Variants in MICU2 observed in about 807,000 individuals in gnomAD.
The protein encoded by MICU2 is mitochondrial calcium uptake 2.
A neutral mutation model predicts 60.4 loss-of-function variants in MICU2; 64 were observed. That is an observed-to-expected ratio of 1.06 (90% CI 0.87 to 1.31). The LOEUF (loss-of-function observed/expected upper bound fraction) is 1.31, where lower values mean the gene tolerates loss of function less well. MICU2 is among the 50% of genes most tolerant of loss of function. The probability of loss-of-function intolerance (pLI) is 0.00; values close to 1 mark genes in which losing one functional copy is unlikely to be tolerated. For synonymous variants in MICU2, 201 were observed against 175.0 expected (o/e 1.15, Z -1.17); for missense variants, 569 against 531.0 (o/e 1.07, Z -0.70).
At chr13:21,565,722 AC>A (rs1887965659) in intron 2 of MICU2, among the ~76,000 whole-genome samples, 1 of 152,078 alleles carries the variant, frequency 6.6e-6, no homozygotes, top group Admixed American at 6.6e-5. Flanking sequence ...AATCCCAGCT[AC>A]TCGGGAGGCT....
rs753759250 is a variant in MICU2 at position 21,559,646 on chromosome 13, T to A, written c.358+7151A>T. 1.9e-4 allele frequency among the ~76,000 whole-genome samples: 29 copies of A among 151,964 alleles called. No homozygotes were observed. The South Asian group carries it at 2.3e-3, about 12-fold the overall frequency. On this transcript the variant is annotated intron_variant, in intron 2 of 11. Coordinates refer to ENST00000382374, the MANE Select transcript of MICU2 (RefSeq NM_152726.3). ...TTCAAGCGATTCTCCTGCTTCATCC[T>A]CCTGAGTAGCTGGGACTACAGATGC...
intron 2 of MICU2, chr13:21,551,439 TTTAA>T (rs942511665): frequency 1.1e-3 from 164 of 152,314 alleles, no homozygotes; most frequent in African/African-American, 3.7e-3. Context: ...TTATTTTATT[TTTAA>T]ATTATTTTTA....
intron 8 of MICU2, among the ~76,000 whole-genome samples, chr13:21,508,631 G>A (rs922526891): frequency 5.9e-5 from 9 of 152,096 alleles, no homozygotes; most frequent in African/African-American, 2.2e-4. Context: ...ATACTTCCCA[G>A]CCTCCATTCT....
At chr13:21,515,588 G>C in intron 6 of MICU2, 1 of 433,998 alleles carries the variant, frequency 2.3e-6, no homozygotes, top group Non-Finnish European at 4.6e-6. Context: ...ATTTAAAAAA[G>C]AAAGCATTTT....
At chr13:21,587,693 A>C (rs1372795567) in intron 1 of MICU2, among the ~76,000 whole-genome samples, 2 of 152,232 alleles carry the variant, frequency 1.3e-5, no homozygotes, top group Admixed American at 6.5e-5. Context: ...TTAGCTGGAC[A>C]CTCTTACCAT....
chr13:21,593,057 G>A (rs1396537798), intron 1 of MICU2, among the ~76,000 whole-genome samples: 1 of 152,168 alleles, frequency 6.6e-6, no homozygotes, highest in African/African-American at 2.4e-5. Context: ...TATTCGAATA[G>A]GAAGACAGGA....
chr13:21,511,407 CA>C (rs1479279519), intron 7 of MICU2, among the ~76,000 whole-genome samples: 1 of 152,118 alleles, frequency 6.6e-6, no homozygotes, highest in Admixed American at 6.5e-5. Context: ...AGGTAAAAGG[CA>C]CAAAAACCCA....
intron 2 of MICU2, among the ~76,000 whole-genome samples, chr13:21,549,773 G>T (rs554581036): frequency 6.6e-6 from 1 of 152,098 alleles, no homozygotes; most frequent in Admixed American, 6.5e-5. Flanking sequence ...ACTGAACATG[G>T]TGGAGAAATA....
At chr13:21,591,081 C>T (rs917412242) in intron 1 of MICU2, among the ~76,000 whole-genome samples, 2 of 151,888 alleles carry the variant, frequency 1.3e-5, no homozygotes, top group African/African-American at 4.8e-5. Flanking sequence ...TAAAAAGACA[C>T]AGACTGGCAA....
chr13:21,589,306 T>A (rs1335387847), intron 1 of MICU2, among the ~76,000 whole-genome samples: 1 of 152,216 alleles, frequency 6.6e-6, no homozygotes, highest in Non-Finnish European at 1.5e-5. Context: ...ATGGGTGTAC[T>A]TATTCTTGTC....
Position 21,579,498 on chromosome 13 carries a change from G to A in MICU2, c.211-12554C>T, listed in dbSNP as rs183774226. 7.1e-3 allele frequency among the ~76,000 whole-genome samples: 1,075 copies of A among 152,034 alleles called. 6 individuals carry two copies. Among genetic ancestry groups the A allele is most frequent in the Middle Eastern group, 0.014 (4 of 294 alleles). On this transcript the variant is annotated intron_variant, in intron 1 of 11. Coordinates refer to ENST00000382374, the MANE Select transcript of MICU2 (RefSeq NM_152726.3). ...TGGGATTACAGGCTCCCGCCACCAC[G>A]CCAAGCTAATTTTTTGTATTTTTAG...
At chr13:21,562,375 C>T (rs1290072563) in intron 2 of MICU2, among the ~76,000 whole-genome samples, 4 of 152,170 alleles carry the variant, frequency 2.6e-5, no homozygotes, top group South Asian at 2.1e-4. Context: ...TACATATCTA[C>T]AGTGACTGTT....
intron 6 of MICU2, among the ~76,000 whole-genome samples, chr13:21,516,718 G>A (rs192208667): frequency 1.3e-5 from 2 of 152,262 alleles, no homozygotes; most frequent in East Asian, 3.9e-4. Context: ...GAGTGTAGTA[G>A]TATGTCATTG....
intron 1 of MICU2, among the ~76,000 whole-genome samples, chr13:21,571,097 C>CT (rs1414495591): frequency 1.5e-3 from 229 of 151,090 alleles, no homozygotes; most frequent in African/African-American, 5.3e-3. Context: ...TTTCAGGTTG[C>CT]TTTTTTTTTG....
At chr13:21,525,498 A>G (rs1886829715) in intron 4 of MICU2, among the ~76,000 whole-genome samples, 2 of 151,816 alleles carry the variant, frequency 1.3e-5, no homozygotes, top group Admixed American at 1.3e-4. Context: ...GCCAATGCTG[A>G]TTTAATTTTT....
At chr13:21,520,497 A>C (rs748755030) in intron 6 of MICU2, among the ~76,000 whole-genome samples, 1 of 152,254 alleles carries the variant, frequency 6.6e-6, no homozygotes, top group Non-Finnish European at 1.5e-5. Flanking sequence ...TGTCATTTAC[A>C]TAAGTACTCA....
Position 21,571,966 on chromosome 13 carries a change from C to T in MICU2, c.211-5022G>A, listed in dbSNP as rs143926400. Among the ~76,000 whole-genome samples, 471 of 152,274 alleles carry T rather than the reference C, an allele frequency of 3.1e-3. 2 individuals carry two copies. The highest frequency in any genetic ancestry group is 0.011 in the African/African-American group (451 of 41,554). ...CTTTTGTTAATCTATAAAATAGCCA[C>T]CAAATATGTAAGACACTGGAGCCTA... On this transcript the variant is annotated intron_variant, in intron 1 of 11. Transcript: ENST00000382374.
At chr13:21,574,671 A>AAT (rs955970874) in intron 1 of MICU2, among the ~76,000 whole-genome samples, 81 of 152,210 alleles carry the variant, frequency 5.3e-4, no homozygotes, top group African/African-American at 1.8e-3. Context: ...TATAGCTTTC[A>AAT]ATATATATAT....
chr13:21,558,917 G>A (rs534758583), intron 2 of MICU2, among the ~76,000 whole-genome samples: 22 of 152,180 alleles, frequency 1.4e-4, no homozygotes, highest in Non-Finnish European at 2.4e-4. Flanking sequence ...GCTGGTATCC[G>A]GTTTCTCTGG....
Sources: gnomAD v4.1 joint callset for allele counts (sites outside exome capture counted in the v4.1 genomes callset) on GRCh38, gnomAD v4.1.1 for gene constraint, MANE v1.5 for transcripts, NCBI Gene and HGNC (gene_info 2026-07-23, HGNC 2026-07-21) for gene names.